SDK1: variants seen among roughly 807,000 people sequenced by gnomAD.
The protein encoded by SDK1 is sidekick cell adhesion molecule 1, also known as protein sidekick-1.
A neutral mutation model predicts 245.5 loss-of-function variants in SDK1; 157 were observed. The observed-to-expected ratio is 0.64, with a 90% CI of 0.56 to 0.73. The LOEUF (loss-of-function observed/expected upper bound fraction) is 0.73. Among genes scored for constraint, SDK1 ranks in the 30% least tolerant of loss-of-function variants. SDK1 has a pLI of 0.00. For missense variants in SDK1, 3,583 were observed against 3,002.3 expected (o/e 1.19, Z -4.52); for synonymous variants, 1,647 against 1,278.5 (o/e 1.29, Z -6.15).
At chr7:3,334,971 A>T (rs1301130510) in intron 1 of SDK1, among the ~76,000 whole-genome samples, 1 of 151,960 alleles carries the variant, frequency 6.6e-6, no homozygotes, top group Non-Finnish European at 1.5e-5. Context: ...TCTTGGAGTT[A>T]TCCTTCATTT....
chr7:3,319,511 C>G (rs756287883), intron 1 of SDK1, among the ~76,000 whole-genome samples: 2 of 152,160 alleles, frequency 1.3e-5, no homozygotes, highest in Non-Finnish European at 2.9e-5. Flanking sequence ...TTATTATCTC[C>G]TCAAGAGTAC....
At chr7:3,774,306 T>C (rs1583400095) in intron 4 of SDK1, among the ~76,000 whole-genome samples, 1 of 150,554 alleles carries the variant, frequency 6.6e-6, no homozygotes. Flanking sequence ...TGGGGGAAGG[T>C]GCAGCAACAG....
At chr7:3,672,907 G>A (rs1783764123) in intron 4 of SDK1, among the ~76,000 whole-genome samples, 1 of 148,768 alleles carries the variant, frequency 6.7e-6, no homozygotes, top group Non-Finnish European at 1.5e-5. Context: ...TTGGGTAAAA[G>A]CTCTATTCTA....
intron 4 of SDK1, among the ~76,000 whole-genome samples, chr7:3,760,250 A>G (rs1392203986): frequency 6.6e-6 from 1 of 152,216 alleles, no homozygotes. Flanking sequence ...CAATTTCAAC[A>G]GAAGACTCAG....
Position 4,139,707 on chromosome 7 carries a change from G to T in SDK1, c.4229-6015G>T, listed in dbSNP as rs56731077. Reference sequence around the variant, plus strand: ...TGTGTGTGTATGTGTGTGTGTGTATGTGTGTGTGTGTGTATGTGTGTGTGT... The same window carrying T: ...TGTGTGTGTATGTGTGTGTGTGTATTTGTGTGTGTGTGTATGTGTGTGTGT... On this transcript the variant is annotated intron_variant, in intron 28 of 44. Coordinates refer to ENST00000404826, the MANE Select transcript of SDK1 (RefSeq NM_152744.4). Among the ~76,000 whole-genome samples the T allele has an allele frequency of 3.8e-4, 3 of 7,944 alleles. No homozygotes were observed. In the African/African-American group the frequency reaches 4.6e-3, roughly 12 times the overall value. The allele number at this position is 7,944 out of a possible 152,430, so 5.2% of individuals were successfully genotyped here.
intron 1 of SDK1, among the ~76,000 whole-genome samples, chr7:3,557,034 TA>T (rs2128624961): frequency 1.1e-5 from 1 of 90,546 alleles, no homozygotes; most frequent in African/African-American, 3.4e-5. Context: ...TAATCTAAGT[TA>T]ATACCTCAAG....
chr7:3,893,843 G>A (rs1781524816), intron 5 of SDK1, among the ~76,000 whole-genome samples: 1 of 151,910 alleles, frequency 6.6e-6, no homozygotes, highest in Non-Finnish European at 1.5e-5. Context: ...TCTGACCCTG[G>A]CTCCTGGGCC....
At chr7:4,218,606 A>G (rs1430595434) in intron 38 of SDK1, among the ~76,000 whole-genome samples, 1 of 152,154 alleles carries the variant, frequency 6.6e-6, no homozygotes, top group Non-Finnish European at 1.5e-5. Flanking sequence ...AGTGGAGATG[A>G]CTGGGGTATT....
rs546511415 is a variant in SDK1 at position 3,780,052 on chromosome 7, C to T, written c.714-41398C>T. 5.3e-5 allele frequency among the ~76,000 whole-genome samples: 8 copies of T among 152,242 alleles called. No individual in the cohort carries two copies. In the South Asian group the frequency reaches 1.7e-3, roughly 32 times the overall value. On this transcript the variant is annotated intron_variant, in intron 4 of 44. Transcript: ENST00000404826. ...CACACACCAAAAGGTGAACTTGCAG[C>T]TGTCCACAGACTAGAATATCTTTTT...
chr7:3,983,749 A>G (rs1050292539), intron 13 of SDK1, among the ~76,000 whole-genome samples: 2 of 152,208 alleles, frequency 1.3e-5, no homozygotes, highest in African/African-American at 4.8e-5. Context: ...GGATTTTCAC[A>G]GAGGGGAGAG....
chr7:3,811,663 C>G (rs999896565), intron 4 of SDK1, among the ~76,000 whole-genome samples: 1 of 152,150 alleles, frequency 6.6e-6, no homozygotes, highest in Non-Finnish European at 1.5e-5. Flanking sequence ...TCAGGGAGCC[C>G]CAGGCCAGCC....
At chr7:4,042,955 C>T (rs1209542354) in intron 17 of SDK1, among the ~76,000 whole-genome samples, 1 of 152,224 alleles carries the variant, frequency 6.6e-6, no homozygotes, top group East Asian at 1.9e-4. Context: ...GGAATAAAAG[C>T]AAGGTTGGCG....
intron 1 of SDK1, among the ~76,000 whole-genome samples, chr7:3,428,024 G>A (rs554149705): frequency 3.9e-5 from 6 of 152,254 alleles, no homozygotes; most frequent in African/African-American, 1.2e-4. Context: ...CATCTTTGCT[G>A]CCCAATTCCC....
At chr7:3,908,191 C>T (rs1369232368) in intron 5 of SDK1, among the ~76,000 whole-genome samples, 3 of 152,144 alleles carry the variant, frequency 2.0e-5, no homozygotes, top group African/African-American at 4.8e-5. Flanking sequence ...CAGAATGGGC[C>T]GTGCGCATAA....
chr7:4,224,610 A>G (rs78486521), intron 40 of SDK1, among the ~76,000 whole-genome samples: 2,200 of 152,270 alleles, frequency 0.014, 24 homozygotes, highest in Admixed American at 0.021. Context: ...CACCAGTAGA[A>G]TTGGTTTCCT....
intron 4 of SDK1, among the ~76,000 whole-genome samples, chr7:3,650,583 C>G (rs1782982282): frequency 6.6e-6 from 1 of 152,120 alleles, no homozygotes; most frequent in Admixed American, 6.5e-5. Flanking sequence ...GTGTTGAGAT[C>G]TTGTTAAACT....
chr7:4,078,027 T>G (rs1423837568), intron 21 of SDK1, among the ~76,000 whole-genome samples: 1 of 152,168 alleles, frequency 6.6e-6, no homozygotes, highest in East Asian at 1.9e-4. Flanking sequence ...GGGAAATGGG[T>G]TAGCTGACCT....
At chr7:4,053,668 C>G (rs1779024285) in intron 19 of SDK1, among the ~76,000 whole-genome samples, 1 of 152,114 alleles carries the variant, frequency 6.6e-6, no homozygotes, top group Non-Finnish European at 1.5e-5. Context: ...TGCCACTCTC[C>G]TGGAACAATC....
chr7:3,353,592 A>G (rs1300448256), intron 1 of SDK1, among the ~76,000 whole-genome samples: 1 of 152,140 alleles, frequency 6.6e-6, no homozygotes, highest in Non-Finnish European at 1.5e-5. Context: ...ACAGTTCTGT[A>G]ACTGTAACTT....
Sources: allele counts gnomAD v4.1 joint callset (sites outside exome capture counted in the v4.1 genomes callset), GRCh38; gene constraint gnomAD v4.1.1; transcripts MANE v1.5; gene names NCBI Gene and HGNC (gene_info 2026-07-23, HGNC 2026-07-21).